Variants in PCDH15 observed in about 807,000 individuals in gnomAD.
PCDH15 encodes protocadherin related 15, also known as protocadherin-15.
In PCDH15, 129 loss-of-function variants were observed where a neutral mutation model predicts 178.5. The ratio of observed to expected loss-of-function variants is 0.72; its 90% CI spans 0.63 to 0.84. PCDH15 has a LOEUF of 0.84. Ranked by LOEUF, PCDH15 falls within the 40% of genes least tolerant of loss-of-function variation. The probability of loss-of-function intolerance (pLI) is 0.00; values close to 1 mark genes in which losing one functional copy is unlikely to be tolerated. For missense variants in PCDH15, 2,230 were observed against 2,099.9 expected (o/e 1.06, Z -1.21); for synonymous variants, 800 against 732.0 (o/e 1.09, Z -1.50).
chr10:54,805,125 A>C (rs1466004649), upstream of PCDH15, among the ~76,000 whole-genome samples: 1 of 151,516 alleles, frequency 6.6e-6, no homozygotes, highest in African/African-American at 2.4e-5. Flanking sequence ...ATAGCAAACC[A>C]ATACTAACTC....
intron 2 of PCDH15, among the ~76,000 whole-genome samples, chr10:55,519,118 CA>C (rs1841093895): frequency 1.4e-5 from 1 of 69,742 alleles, no homozygotes; most frequent in African/African-American, 5.8e-5. Context: ...AAAAAAAAAA[CA>C]AACTCTTAGT....
chr10:54,969,587 C>T (rs1554819299), intron 2 of PCDH15, among the ~76,000 whole-genome samples: 1 of 152,156 alleles, frequency 6.6e-6, no homozygotes, highest in Non-Finnish European at 1.5e-5. Context: ...CCCCTTTGTA[C>T]AGATGTTTTC....
chr10:54,703,241 G>A (rs1055949342), intron 1 of PCDH15, among the ~76,000 whole-genome samples: 1 of 151,914 alleles, frequency 6.6e-6, no homozygotes, highest in African/African-American at 2.4e-5. Context: ...AATAGTAAGA[G>A]CCGTCTATGA....
chr10:55,417,377 C>G (rs12269371), intron 2 of PCDH15, among the ~76,000 whole-genome samples: 121 of 151,570 alleles, frequency 8.0e-4, no homozygotes, highest in African/African-American at 2.7e-3. Flanking sequence ...AAAATTTTAC[C>G]TTTGAAGTGC....
chr10:55,359,910 C>A (rs1205184027), intron 2 of PCDH15, among the ~76,000 whole-genome samples: 1 of 151,502 alleles, frequency 6.6e-6, no homozygotes, highest in Non-Finnish European at 1.5e-5. Flanking sequence ...TAGCTCAGGA[C>A]TTCACTTAAA....
chr10:53,875,035 A>G (rs2080126255), intron 26 of PCDH15, among the ~76,000 whole-genome samples: 1 of 152,110 alleles, frequency 6.6e-6, no homozygotes, highest in African/African-American at 2.4e-5. Context: ...TACGAAGATG[A>G]ACAACCTCAA....
intron 10 of PCDH15, among the ~76,000 whole-genome samples, chr10:54,207,306 C>T: frequency 6.6e-6 from 1 of 151,472 alleles, no homozygotes; most frequent in East Asian, 1.9e-4. Flanking sequence ...AGAGACAAAC[C>T]AGTGGAAAAT....
chr10:54,294,373 T>C (rs2133091787), intron 8 of PCDH15, among the ~76,000 whole-genome samples: 1 of 152,056 alleles, frequency 6.6e-6, no homozygotes, highest in South Asian at 2.1e-4. Context: ...AAATGACGAG[T>C]TAATGGGTGC....
chr10:54,012,094 C>T (rs993586492), intron 20 of PCDH15, among the ~76,000 whole-genome samples: 1 of 151,932 alleles, frequency 6.6e-6, no homozygotes, highest in Admixed American at 6.6e-5. Flanking sequence ...TAAGAATGAA[C>T]CAAAATGATC....
intron 8 of PCDH15, among the ~76,000 whole-genome samples, chr10:54,287,998 T>G (rs1591600107): frequency 6.6e-6 from 1 of 152,162 alleles, no homozygotes; most frequent in East Asian, 1.9e-4. Context: ...CAATAACCTT[T>G]TGGAATAGTT....
At chr10:54,592,965 G>T (rs1392575232) in intron 2 of PCDH15, among the ~76,000 whole-genome samples, 2 of 151,976 alleles carry the variant, frequency 1.3e-5, no homozygotes, top group African/African-American at 4.8e-5. Flanking sequence ...TCTACCTATT[G>T]ACCTGTCGTC....
intron 2 of PCDH15, among the ~76,000 whole-genome samples, chr10:55,377,577 C>T (rs973474039): frequency 6.6e-6 from 1 of 151,962 alleles, no homozygotes; most frequent in African/African-American, 2.4e-5. Flanking sequence ...TTCAAGTTCT[C>T]ATAAAAATAA....
At chr10:55,288,634 T>C (rs1842933571) in intron 1 of PCDH15, among the ~76,000 whole-genome samples, 1 of 152,066 alleles carries the variant, frequency 6.6e-6, no homozygotes, top group Non-Finnish European at 1.5e-5. Flanking sequence ...GTAGTACTTG[T>C]TCTATTTTAA....
chr10:54,938,265 T>A (rs1036988696), intron 2 of PCDH15, among the ~76,000 whole-genome samples: 1 of 148,088 alleles, frequency 6.8e-6, no homozygotes, highest in African/African-American at 2.4e-5. Flanking sequence ...ACTTTATAGT[T>A]TTACTTACTC....
chr10:54,912,196 A>G (rs187913022), intron 2 of PCDH15, among the ~76,000 whole-genome samples: 1 of 152,232 alleles, frequency 6.6e-6, no homozygotes, highest in Admixed American at 6.6e-5. Flanking sequence ...ATAAATGCTA[A>G]TTCAGTTAAG....
intron 8 of PCDH15, among the ~76,000 whole-genome samples, chr10:54,245,101 C>A (rs1422600107): frequency 1.3e-5 from 2 of 152,060 alleles, no homozygotes; most frequent in Non-Finnish European, 2.9e-5. Flanking sequence ...CACCCTCAAT[C>A]TCTCCATATA....
chr10:54,462,200 T>C (rs538343869), intron 3 of PCDH15, among the ~76,000 whole-genome samples: 1 of 152,202 alleles, frequency 6.6e-6, no homozygotes, highest in South Asian at 2.1e-4. Context: ...TTTGTCAATG[T>C]TGAAAATCTT....
At chr10:55,619,710 CAT>C (rs377388278) in intron 2 of PCDH15, among the ~76,000 whole-genome samples, 2 of 151,832 alleles carry the variant, frequency 1.3e-5, no homozygotes, top group African/African-American at 4.8e-5. Context: ...CTATTTTGAG[CAT>C]ATTTGAAAAT....
At chr10:55,269,439 G>T (rs571505653) in intron 1 of PCDH15, among the ~76,000 whole-genome samples, 4 of 152,084 alleles carry the variant, frequency 2.6e-5, no homozygotes, top group African/African-American at 9.6e-5. Flanking sequence ...AAGGTTTCAG[G>T]ATACAAAAGC....
Sources: gnomAD v4.1 joint callset for allele counts (sites outside exome capture counted in the v4.1 genomes callset) on GRCh38, gnomAD v4.1.1 for gene constraint, MANE v1.5 for transcripts, NCBI Gene and HGNC (gene_info 2026-07-23, HGNC 2026-07-21) for gene names.